The following IMMP2L variants were observed in gnomAD, a reference collection of about 807,000 sequenced individuals.
IMMP2L encodes inner mitochondrial membrane peptidase subunit 2, also known as mitochondrial inner membrane protease subunit 2.
IMMP2L carries 18 observed loss-of-function variants against 19.3 expected under a neutral mutation model. The observed-to-expected ratio is 0.93, with a 90% CI of 0.64 to 1.38. IMMP2L has a LOEUF of 1.38. Among genes scored for constraint, IMMP2L ranks in the 40% most tolerant of loss-of-function variants. IMMP2L has a pLI of 0.00. For synonymous variants in IMMP2L, 76 were observed against 73.0 expected (o/e 1.04, Z -0.21); for missense variants, 233 against 218.2 (o/e 1.07, Z -0.43).
intron 3 of IMMP2L, among the ~76,000 whole-genome samples, chr7:111,259,877 C>G (rs1238379429): frequency 6.6e-6 from 1 of 151,982 alleles, no homozygotes; most frequent in African/African-American, 2.4e-5. Flanking sequence ...AACTAAGACA[C>G]AAACACACAA....
intron 3 of IMMP2L, among the ~76,000 whole-genome samples, chr7:111,417,787 T>C (rs1046002113): frequency 2.0e-5 from 3 of 152,026 alleles, no homozygotes; most frequent in South Asian, 2.1e-4. Flanking sequence ...ATAGAGTTGA[T>C]AGTGCATATA....
chr7:111,203,554 A>G lies in IMMP2L; in HGVS notation c.240-239989T>C, dbSNP rs543643740. On this transcript the variant is annotated intron_variant, in intron 3 of 5. Transcript: ENST00000405709. ...AAAGAGTAGCCTAGGGTAATATTAC[A>G]TTATTATACTGGTTCTTTTTTTTTT... Among the ~76,000 whole-genome samples, 9 of 147,882 alleles carry G rather than the reference A, an allele frequency of 6.1e-5. No homozygotes were observed. The South Asian group carries it at 1.9e-3, about 32-fold the overall frequency.
chr7:110,679,265 T>C (rs962324671), intron 5 of IMMP2L, among the ~76,000 whole-genome samples: 15 of 152,090 alleles, frequency 9.9e-5, no homozygotes, highest in African/African-American at 3.4e-4. Flanking sequence ...ATCACTGGAG[T>C]TGAAGTGGTC....
chr7:111,493,327 T>C (rs1232524066), intron 2 of IMMP2L, among the ~76,000 whole-genome samples: 2 of 152,076 alleles, frequency 1.3e-5, no homozygotes, highest in Non-Finnish European at 2.9e-5. Context: ...AGAAAAACCT[T>C]CTTGAATTGG....
At chr7:111,381,860 A>G (rs916887397) in intron 3 of IMMP2L, among the ~76,000 whole-genome samples, 1 of 152,024 alleles carries the variant, frequency 6.6e-6, no homozygotes, top group Admixed American at 6.6e-5. Context: ...GAAGTCGGAA[A>G]TGCTTACCAA....
Position 110,858,752 on chromosome 7 carries a change from C to T in IMMP2L, c.408+27841G>A, listed in dbSNP as rs368225639. Among the ~76,000 whole-genome samples, 81 of 151,846 alleles carry T rather than the reference C, an allele frequency of 5.3e-4. 1 individual carries two copies. Among genetic ancestry groups the T allele is most frequent in the African/African-American group, 1.8e-3 (76 of 41,420 alleles). On this transcript the variant is annotated intron_variant, in intron 5 of 5. Transcript: ENST00000405709. ...ATATCTCCTAATGCTATCCCTCCCT[C>T]CTCCCCCGACCCCACAACAGTCCCC... is the stretch of plus-strand genomic sequence containing the variant.
At chr7:110,736,650 G>T (rs1294064734) in intron 5 of IMMP2L, among the ~76,000 whole-genome samples, 1 of 152,194 alleles carries the variant, frequency 6.6e-6, no homozygotes, top group Non-Finnish European at 1.5e-5. Flanking sequence ...CTTTGCCTTG[G>T]TGAGATTTGT....
chr7:110,915,947 A>G (rs575545848), intron 4 of IMMP2L, among the ~76,000 whole-genome samples: 2 of 152,278 alleles, frequency 1.3e-5, no homozygotes, highest in East Asian at 3.9e-4. Context: ...ATTAAAGACT[A>G]ATAAGGCATT....
chr7:111,034,202 T>A (rs1791114197), intron 3 of IMMP2L, among the ~76,000 whole-genome samples: 2 of 152,148 alleles, frequency 1.3e-5, no homozygotes, highest in South Asian at 2.1e-4. Flanking sequence ...ACGTATTCAA[T>A]TCTTCCTTGA....
At chr7:111,174,526 T>C (rs1286590806) in intron 3 of IMMP2L, among the ~76,000 whole-genome samples, 1 of 151,620 alleles carries the variant, frequency 6.6e-6, no homozygotes, top group African/African-American at 2.4e-5. Context: ...AGGTTCAGAG[T>C]GGTTACGGGA....
chr7:111,195,732 A>C (rs997432678), intron 3 of IMMP2L, among the ~76,000 whole-genome samples: 9 of 38 alleles, frequency 0.24, no homozygotes, highest in African/African-American at 0.32. Flanking sequence ...TGTTTTCCAG[A>C]GCATGATAAA....
intron 3 of IMMP2L, among the ~76,000 whole-genome samples, chr7:111,161,511 A>G (rs996662318): frequency 1.3e-5 from 2 of 151,984 alleles, no homozygotes; most frequent in African/African-American, 4.8e-5. Context: ...AGAAAAAAGT[A>G]TCTGATAAAA....
intron 5 of IMMP2L, among the ~76,000 whole-genome samples, chr7:110,835,101 T>C (rs1563010403): frequency 6.6e-6 from 1 of 152,096 alleles, no homozygotes; most frequent in Non-Finnish European, 1.5e-5. Context: ...TAGGCAGGAA[T>C]AAGTATGTAA....
chr7:111,373,427 A>G (rs1022043178), intron 3 of IMMP2L, among the ~76,000 whole-genome samples: 6 of 152,022 alleles, frequency 3.9e-5, no homozygotes, highest in Non-Finnish European at 8.8e-5. Flanking sequence ...AACACTGAAT[A>G]AAAGAGAGAA....
chr7:110,768,449 G>C (rs1435070771), intron 5 of IMMP2L, among the ~76,000 whole-genome samples: 1 of 152,118 alleles, frequency 6.6e-6, no homozygotes, highest in Non-Finnish European at 1.5e-5. Context: ...CTACTGGAGG[G>C]TTTTAAGTAG....
chr7:110,916,738 T>A (rs1813654368), intron 4 of IMMP2L, among the ~76,000 whole-genome samples: 1 of 152,234 alleles, frequency 6.6e-6, no homozygotes, highest in African/African-American at 2.4e-5. Flanking sequence ...TTGCTAATTT[T>A]ATATTTCATA....
intron 4 of IMMP2L, among the ~76,000 whole-genome samples, chr7:110,896,630 T>A: frequency 3.6e-5 from 1 of 27,508 alleles, no homozygotes; most frequent in Admixed American, 3.0e-4. Context: ...ATTTTTAATT[T>A]CAAAATACTG....
At chr7:111,335,485 A>C (rs1349359631) in intron 3 of IMMP2L, among the ~76,000 whole-genome samples, 1 of 152,184 alleles carries the variant, frequency 6.6e-6, no homozygotes, top group African/African-American at 2.4e-5. Context: ...AATAGGTAAA[A>C]GTTATCAACG....
At chr7:111,007,170 G>A (rs1275777998) in intron 3 of IMMP2L, among the ~76,000 whole-genome samples, 2 of 152,108 alleles carry the variant, frequency 1.3e-5, no homozygotes, top group African/African-American at 2.4e-5. Flanking sequence ...TGGCAGGAGA[G>A]AGAAGAGCGA....
Sources: gnomAD v4.1 joint callset for allele counts (sites outside exome capture counted in the v4.1 genomes callset) on GRCh38, gnomAD v4.1.1 for gene constraint, MANE v1.5 for transcripts, NCBI Gene and HGNC (gene_info 2026-07-23, HGNC 2026-07-21) for gene names.